Variants in PRDM16 observed in about 807,000 individuals in gnomAD.
PRDM16 encodes PR/SET domain 16, also known as histone-lysine N-methyltransferase PRDM16.
In PRDM16, 23 loss-of-function variants were observed where a neutral mutation model predicts 110.6. The observed-to-expected ratio is 0.21, with a 90% CI of 0.15 to 0.29. PRDM16 has a LOEUF of 0.29. Ranked by LOEUF, PRDM16 falls within the 10% of genes least tolerant of loss-of-function variation. The pLI, the probability that PRDM16 is intolerant of heterozygous loss-of-function variation, is 1.00. For missense variants in PRDM16, 1,615 were observed against 1,794.3 expected, an observed-to-expected ratio of 0.90 and a Z score of 1.81; for synonymous variants, 799 against 781.8, an observed-to-expected ratio of 1.02 and a Z score of -0.37.
chr1:3,387,492 G>A (rs528629325), intron 4 of PRDM16, among the ~76,000 whole-genome samples: 1 of 152,316 alleles, frequency 6.6e-6, no homozygotes, highest in South Asian at 2.1e-4. Flanking sequence ...CCCCTTGTGA[G>A]ACCTTCCCCT....
chr1:3,347,436 T>G (rs1056935991), intron 3 of PRDM16, among the ~76,000 whole-genome samples: 4 of 152,182 alleles, frequency 2.6e-5, no homozygotes, highest in African/African-American at 4.8e-5. Flanking sequence ...CAGGTCCCAC[T>G]GGCGAGAGCC....
intron 3 of PRDM16, among the ~76,000 whole-genome samples, chr1:3,302,736 A>C (rs1641233282): frequency 6.6e-6 from 1 of 152,350 alleles, no homozygotes; most frequent in African/African-American, 2.4e-5. Context: ...CGGCCACAAA[A>C]AAACCAAACG....
At chr1:3,127,588 T>G (rs757587746) in intron 1 of PRDM16, among the ~76,000 whole-genome samples, 1 of 152,244 alleles carries the variant, frequency 6.6e-6, no homozygotes, top group Non-Finnish European at 1.5e-5. Flanking sequence ...GAAGACTGGC[T>G]GCTAAGCAGA....
At chr1:3,070,521 CCCT>C (rs1379354980) in intron 1 of PRDM16, among the ~76,000 whole-genome samples, 1 of 150,314 alleles carries the variant, frequency 6.7e-6, no homozygotes. Flanking sequence ...TCCCGCCGCC[CCCT>C]CCTCTGCAGG....
intron 1 of PRDM16, among the ~76,000 whole-genome samples, chr1:3,098,605 T>A (rs1328223611): frequency 1.3e-5 from 2 of 152,174 alleles, no homozygotes; most frequent in East Asian, 3.9e-4. Context: ...AGAAAGGAAG[T>A]GCCCCAGGGA....
chr1:3,173,934 T>A (rs965309704), intron 1 of PRDM16, among the ~76,000 whole-genome samples: 7 of 152,226 alleles, frequency 4.6e-5, no homozygotes, highest in African/African-American at 1.7e-4. Context: ...GGGTCATGTG[T>A]TCTCGGCCGG....
chr1:3,305,881 C>A (rs1456950103), intron 3 of PRDM16, among the ~76,000 whole-genome samples: 2 of 152,252 alleles, frequency 1.3e-5, no homozygotes, highest in African/African-American at 4.8e-5. Flanking sequence ...TTTGCTGATT[C>A]ACTCATTGAC....
At chr1:3,292,950 C>T (rs145670001) in intron 3 of PRDM16, among the ~76,000 whole-genome samples, 3 of 152,330 alleles carry the variant, frequency 2.0e-5, no homozygotes, top group African/African-American at 7.2e-5. Flanking sequence ...GTGGGTTGAC[C>T]CTCACGGAGG....
At chr1:3,122,922 G>A (rs920864376) in intron 1 of PRDM16, among the ~76,000 whole-genome samples, 1 of 152,246 alleles carries the variant, frequency 6.6e-6, no homozygotes, top group African/African-American at 2.4e-5. Context: ...AGGGCAAGAG[G>A]CGGAGCGCTT....
At chr1:3,295,214 A>C (rs1010310558) in intron 3 of PRDM16, among the ~76,000 whole-genome samples, 1 of 152,194 alleles carries the variant, frequency 6.6e-6, no homozygotes, top group Non-Finnish European at 1.5e-5. Context: ...TTACAGCTAC[A>C]GGGTATCCAG....
chr1:3,277,312 C>T (rs889159860), intron 3 of PRDM16, among the ~76,000 whole-genome samples: 3 of 152,340 alleles, frequency 2.0e-5, no homozygotes, highest in East Asian at 1.9e-4. Context: ...GTCTGTCACA[C>T]GCTTCACTCT....
At position 3,344,400 on chromosome 1, in the gene PRDM16, A is replaced by G. The variant is rs148376430; in HGVS notation, c.439-40752A>G. 3.4e-3 allele frequency among the ~76,000 whole-genome samples: 520 copies of G among 152,090 alleles called. 8 individuals carry two copies. The highest frequency in any genetic ancestry group is 7.4e-4 in the Non-Finnish European group (50 of 67,990). ...AATTTTCTTTTGGTTTTTAATTATAATTGGCATTTCCCTGTTGGCATTTCC... is the reference window on the plus strand; with the variant it reads ...AATTTTCTTTTGGTTTTTAATTATAGTTGGCATTTCCCTGTTGGCATTTCC... On this transcript the variant is annotated intron_variant, in intron 3 of 16. Coordinates refer to ENST00000270722, the MANE Select transcript of PRDM16 (RefSeq NM_022114.4).
chr1:3,396,626 C>A (rs1479801969), intron 5 of PRDM16, 33 bp downstream of exon 5: 1 of 967,336 alleles, frequency 1.0e-6, no homozygotes, highest in Non-Finnish European at 1.6e-6. Flanking sequence ...GGCCACGGCC[C>A]CTGGGAGCCC....
chr1:3,349,804 C>T (rs970408988), intron 3 of PRDM16, among the ~76,000 whole-genome samples: 1 of 152,238 alleles, frequency 6.6e-6, no homozygotes, highest in Non-Finnish European at 1.5e-5. Context: ...GCTCTGCTGG[C>T]CACGGTGCTG....
rs1239963478 is a variant in PRDM16 at position 3,435,630 on chromosome 1, G to A, written c.*1819G>A. ...AAGAGCGTAAATACAAACAGGAGTG[G>A]TGCAAGCCGCCTTGGTGTGGGTTTG... On this transcript the variant is annotated 3_prime_UTR_variant, in exon 17 of 17. Transcript: ENST00000270722. The A allele has an allele frequency of 4.3e-6, 1 of 232,936 alleles. No homozygotes were observed. The highest frequency in any genetic ancestry group is 8.5e-6 in the Non-Finnish European group (1 of 117,900). The allele number at this position is 232,936 out of a possible 1,614,324, so 14.4% of individuals were successfully genotyped here.
intron 1 of PRDM16, among the ~76,000 whole-genome samples, chr1:3,164,811 C>A (rs116609258): frequency 0.031 from 4,705 of 152,220 alleles, 108 homozygotes; most frequent in Non-Finnish European, 0.05. Flanking sequence ...ATGGAGGTCG[C>A]AGTGCTCCAC....
intron 3 of PRDM16, among the ~76,000 whole-genome samples, chr1:3,272,566 G>A (rs556490656): frequency 3.2e-4 from 48 of 152,314 alleles, no homozygotes; most frequent in African/African-American, 1.1e-3. Flanking sequence ...CCAAAGGGAC[G>A]TCCCGCCAGT....
intron 1 of PRDM16, among the ~76,000 whole-genome samples, chr1:3,135,156 C>T (rs1441477770): frequency 6.6e-6 from 1 of 152,220 alleles, no homozygotes; most frequent in Non-Finnish European, 1.5e-5. Context: ...AGCAAGGCAG[C>T]TCCAAGAGTC....
chr1:3,303,184 C>T (rs1049538145), intron 3 of PRDM16, among the ~76,000 whole-genome samples: 3 of 151,290 alleles, frequency 2.0e-5, no homozygotes, highest in African/African-American at 7.3e-5. Flanking sequence ...CATTTCCATC[C>T]CCCCAGAAAG....
Sources: gnomAD v4.1 joint callset for allele counts (sites outside exome capture counted in the v4.1 genomes callset) on GRCh38, gnomAD v4.1.1 for gene constraint, MANE v1.5 for transcripts, NCBI Gene and HGNC (gene_info 2026-07-23, HGNC 2026-07-21) for gene names.